Variants in SDK2 observed in about 807,000 individuals in gnomAD.
SDK2 encodes the protein protein sidekick-2.
Under a neutral mutation model 253.9 loss-of-function variants are expected in SDK2, and 105 were observed. The ratio of observed to expected loss-of-function variants is 0.41; its 90% CI spans 0.35 to 0.49. SDK2 has a LOEUF of 0.49. SDK2 is among the 20% of genes least tolerant of loss of function. SDK2 has a pLI of 0.06. For missense variants in SDK2, 2,608 were observed against 3,003.0 expected, an observed-to-expected ratio of 0.87 and a Z score of 3.07; for synonymous variants, 1,249 against 1,234.9, an observed-to-expected ratio of 1.01 and a Z score of -0.24.
chr17:73,532,004 A>T (rs1441008143), intron 1 of SDK2, among the ~76,000 whole-genome samples: 1 of 152,032 alleles, frequency 6.6e-6, no homozygotes, highest in East Asian at 1.9e-4. Context: ...CATTACAATG[A>T]TCTCTATGCA....
chr17:73,500,117 T>C (rs1252284022), intron 2 of SDK2, among the ~76,000 whole-genome samples: 9 of 144,392 alleles, frequency 6.2e-5, no homozygotes, highest in Admixed American at 6.1e-4. Context: ...CCTCCCTCCA[T>C]TCTCCTCCAT....
intron 2 of SDK2, among the ~76,000 whole-genome samples, chr17:73,501,346 C>G (rs1236712745): frequency 6.6e-6 from 1 of 152,222 alleles, no homozygotes; most frequent in East Asian, 1.9e-4. Flanking sequence ...CACCACCTGT[C>G]CCCAGCACAT....
chr17:73,458,810 C>T (rs1319305503), intron 3 of SDK2, among the ~76,000 whole-genome samples: 1 of 152,046 alleles, frequency 6.6e-6, no homozygotes, highest in African/African-American at 2.4e-5. Flanking sequence ...TCGAGACAAC[C>T]CTGGCCAACA....
rs2045991634 is a variant in SDK2 at position 73,612,659 on chromosome 17, C to T, written c.64+31366G>A. On this transcript the variant is annotated intron_variant, in intron 1 of 44. Transcript: ENST00000392650. The surrounding 1 kb of genome is among the most constrained non-coding windows in gnomAD (Gnocchi z 4.4). ...GTAGGCCAGGCGAGGTGGCTCACAC[C>T]TGTAATCCCAGCATTTTGGGAAGCC... Among the ~76,000 whole-genome samples the T allele has an allele frequency of 6.6e-6, 1 of 152,142 alleles. No individual in the cohort carries two copies. The highest frequency in any genetic ancestry group is 2.4e-5 in the African/African-American group (1 of 41,424).
Position 73,414,726 on chromosome 17 carries a change from T to C in SDK2, c.2402A>G (p.Glu801Gly). The change falls in exon 18 of 45, where the codon GAA (glutamate) becomes GGA (glycine). Residue 801 changes from glutamate (E) to glycine (G), a missense_variant. Glu to Gly is a moderately conservative substitution (Grantham distance 98). Around this residue, in one of 2 missense-constraint regions of SDK2, gnomAD observed 1,505 missense variants for 1,859.1 expected, o/e 0.81. Coordinates refer to ENST00000392650, the MANE Select transcript of SDK2 (RefSeq NM_001144952.2). ...GCGGATGGTCGTGGAATTGGTGGCT[T>C]CCGCGTGCACATTGCCCGGAGGGAC... Reference protein sequence around the residue: ...PTVPPGNVHAEATNSTTIRFT... With the variant: ...PTVPPGNVHAGATNSTTIRFT... 6.2e-7 allele frequency: 1 copy of C among 1,613,770 alleles called. No homozygotes were observed. The highest frequency in any genetic ancestry group is 8.5e-7 in the Non-Finnish European group (1 of 1,179,814).
At chr17:73,339,523 ATTTT>A (rs2062415348) in intron 44 of SDK2, among the ~76,000 whole-genome samples, 1 of 18,290 alleles carries the variant, frequency 5.5e-5, no homozygotes, top group Non-Finnish European at 4.2e-4. Context: ...TCCCTGGCAA[ATTTT>A]ATTTTCTTTC....
intron 27 of SDK2, 106 bp from the exon 28 acceptor site, chr17:73,391,644 G>A (rs1293280986): frequency 1.8e-5 from 8 of 454,496 alleles, no homozygotes; most frequent in African/African-American, 1.4e-4. Flanking sequence ...GGAAGGGGCC[G>A]CCCAGCTCAG....
chr17:73,630,212 C>T (rs1475845881), intron 1 of SDK2, among the ~76,000 whole-genome samples: 1 of 152,140 alleles, frequency 6.6e-6, no homozygotes, highest in Non-Finnish European at 1.5e-5. Context: ...GGACCAGCAG[C>T]AGTGGCAGCG....
chr17:73,348,721 G>C lies in SDK2; in HGVS notation c.6043C>G (p.Pro2015Ala). Residue 2015 changes from proline to alanine, a missense_variant, in exon 44 of 45, where the codon CCC (proline) becomes GCC (alanine). By Grantham distance (27) the Pro-to-Ala change is conservative. This residue lies in a region of SDK2 where 1,103 missense variants were observed against 1,143.9 expected (regional missense o/e 0.96). Coordinates refer to ENST00000392650, the MANE Select transcript of SDK2 (RefSeq NM_001144952.2). ...AGGCTGCCTGGGCTGGGCCTGGGGGGAGACCTGGAGAGAGCGGGGGAGTGG... is the reference window on the plus strand; with the variant it reads ...AGGCTGCCTGGGCTGGGCCTGGGGGCAGACCTGGAGAGAGCGGGGGAGTGG... ...CRKNGLYTRS[P>A]PRPSPGSLHY... The C allele has an allele frequency of 6.2e-7, 1 of 1,605,776 alleles. No individual in the cohort carries two copies. Among genetic ancestry groups the C allele is most frequent in the Non-Finnish European group, 8.5e-7 (1 of 1,178,962 alleles).
intron 2 of SDK2, 78 bp downstream of exon 2, chr17:73,507,360 C>T: frequency 1.4e-6 from 2 of 1,431,000 alleles, no homozygotes; most frequent in Non-Finnish European, 1.9e-6. Flanking sequence ...TCACACAAAC[C>T]CCCTCCTCAC....
chr17:73,624,173 C>T (rs556377874), intron 1 of SDK2, among the ~76,000 whole-genome samples: 3 of 152,370 alleles, frequency 2.0e-5, no homozygotes, highest in East Asian at 3.9e-4. Context: ...TCCATACATA[C>T]TCCAGGCAAG....
intron 5 of SDK2, among the ~76,000 whole-genome samples, chr17:73,445,394 C>T (rs985109453): frequency 2.6e-5 from 4 of 152,178 alleles, no homozygotes; most frequent in Non-Finnish European, 5.9e-5. Context: ...CAGTGTAGCC[C>T]TGATCCCCGG....
rs16977709 is a variant in SDK2 at position 73,605,682 on chromosome 17, C to A, written c.64+38343G>T. ...GTCACTCCTCCAAATTCGGGCAATA[C>A]CCTGGTGTGCCTCCATGCACTGACC... On this transcript the variant is annotated intron_variant, in intron 1 of 44. Coordinates refer to ENST00000392650, the MANE Select transcript of SDK2 (RefSeq NM_001144952.2). Among the ~76,000 whole-genome samples, 1,173 of 152,292 alleles carry A rather than the reference C, an allele frequency of 7.7e-3. 9 individuals are homozygous for A. Among genetic ancestry groups the A allele is most frequent in the African/African-American group, 0.022 (916 of 41,560 alleles).
chr17:73,551,006 T>C (rs2045048983), intron 1 of SDK2, among the ~76,000 whole-genome samples: 2 of 152,106 alleles, frequency 1.3e-5, no homozygotes, highest in Admixed American at 1.3e-4. Flanking sequence ...TGGCCAAGCC[T>C]AACCTGAAGC....
In SDK2 at chr17:73,379,146, C is replaced by T; in HGVS notation, c.4980+31G>A. The T allele has an allele frequency of 6.7e-7, 1 of 1,502,438 alleles. No individual in the cohort carries two copies. The allele number at this position is 1,502,438 out of a possible 1,614,324, so 93.1% of individuals were successfully genotyped here. A position where few individuals can be genotyped will look rare whatever the true frequency, so the allele number is the denominator to read the frequency against. On this transcript the variant is annotated intron_variant, in intron 36 of 44. Coordinates refer to ENST00000392650, the MANE Select transcript of SDK2 (RefSeq NM_001144952.2). This position sits in a 1 kb window ranked among gnomAD's most constrained non-coding sequence, Gnocchi z 4.5. ...CCTCCGACCTGGCTTCTCATCCGTG[C>T]ACCCCTTTGCTCTGCCCGAGGGCAC...
chr17:73,471,380 T>C (rs912184191), intron 3 of SDK2, among the ~76,000 whole-genome samples: 7 of 152,060 alleles, frequency 4.6e-5, no homozygotes, highest in Non-Finnish European at 8.8e-5. Context: ...GGCAGATCAC[T>C]TGAGGTCAGG....
At chr17:73,549,141 C>A (rs1018903413) in intron 1 of SDK2, among the ~76,000 whole-genome samples, 8 of 152,354 alleles carry the variant, frequency 5.3e-5, no homozygotes, top group Non-Finnish European at 1.0e-4. Flanking sequence ...GAAGGAAAAA[C>A]GTAGCAAGCA....
intron 2 of SDK2, among the ~76,000 whole-genome samples, chr17:73,500,428 TCCTCCATCCATCCTC>T (rs1236799363): frequency 7.6e-6 from 1 of 131,372 alleles, no homozygotes; most frequent in African/African-American, 2.9e-5. Context: ...TTATCCATCA[TCCTCCATCCATCCTC>T]CCTCCATCTC....
chr17:73,433,386 G>A (rs1038490267), intron 10 of SDK2, among the ~76,000 whole-genome samples: 20 of 152,032 alleles, frequency 1.3e-4, no homozygotes, highest in African/African-American at 7.3e-5. Flanking sequence ...AGGTTCAAGC[G>A]ATTCTCCTAT....
Sources: allele counts gnomAD v4.1 joint callset (sites outside exome capture counted in the v4.1 genomes callset), GRCh38; gene constraint gnomAD v4.1.1; regional missense constraint gnomAD v4.1.1; non-coding constraint Gnocchi (gnomAD v3.1); transcripts MANE v1.5; gene names NCBI Gene and HGNC (gene_info 2026-07-23, HGNC 2026-07-21).